The following GALNTL6 variants were observed in gnomAD, a reference collection of about 807,000 sequenced individuals.
The protein encoded by GALNTL6 is polypeptide N-acetylgalactosaminyltransferase like 6, also known as polypeptide N-acetylgalactosaminyltransferase-like 6.
In GALNTL6, 46 loss-of-function variants were observed where a neutral mutation model predicts 73.7. The ratio of observed to expected loss-of-function variants is 0.62; its 90% CI spans 0.49 to 0.80. The LOEUF is 0.80. Among genes scored for constraint, GALNTL6 ranks in the 30% least tolerant of loss-of-function variants. The pLI is 0.00. For synonymous variants in GALNTL6, 259 were observed against 263.7 expected, an observed-to-expected ratio of 0.98 and a Z score of 0.17; for missense variants, 604 against 755.0, an observed-to-expected ratio of 0.80 and a Z score of 2.34.
intron 10 of GALNTL6, among the ~76,000 whole-genome samples, chr4:172,953,443 T>C (rs1749558529): frequency 1.3e-5 from 2 of 152,206 alleles, no homozygotes; most frequent in African/African-American, 4.8e-5. Flanking sequence ...TGTCTCGCAT[T>C]GTGGAAGAGT....
At chr4:172,782,601 C>A (rs1739429831) in intron 5 of GALNTL6, among the ~76,000 whole-genome samples, 1 of 152,168 alleles carries the variant, frequency 6.6e-6, no homozygotes, top group East Asian at 1.9e-4. Context: ...CTCCCCCAAC[C>A]CCCACCAATT....
intron 2 of GALNTL6, among the ~76,000 whole-genome samples, chr4:171,868,080 G>A (rs1370148654): frequency 6.7e-6 from 1 of 150,102 alleles, no homozygotes; most frequent in Non-Finnish European, 1.5e-5. Flanking sequence ...TCAAACTCCT[G>A]GTCTCGAGCA....
At position 172,671,147 on chromosome 4, in the gene GALNTL6, C is replaced by G. The variant is rs575394856; in HGVS notation, c.554-138214C>G. 3.1e-4 allele frequency among the ~76,000 whole-genome samples: 47 copies of G among 152,094 alleles called. 2 individuals are homozygous for G. In the South Asian group the frequency reaches 9.8e-3, roughly 32 times the overall value. ...TAGCTATTCAGGCTCTTTTTTGGTTCCATATGAATTTCAAAATAGTTTTTT... is the reference window on the plus strand; with the variant it reads ...TAGCTATTCAGGCTCTTTTTTGGTTGCATATGAATTTCAAAATAGTTTTTT... On this transcript the variant is annotated intron_variant, in intron 5 of 12. Coordinates refer to ENST00000506823, the MANE Select transcript of GALNTL6 (RefSeq NM_001034845.3).
At chr4:172,413,672 T>G (rs546570736) in intron 5 of GALNTL6, among the ~76,000 whole-genome samples, 2,865 of 120,750 alleles carry the variant, frequency 0.024, 79 homozygotes, top group African/African-American at 0.082. Flanking sequence ...TTTTTTTTTT[T>G]GCTATCTGTG....
At chr4:172,138,942 C>A (rs1163287936) in intron 2 of GALNTL6, among the ~76,000 whole-genome samples, 1 of 151,986 alleles carries the variant, frequency 6.6e-6, no homozygotes, top group Non-Finnish European at 1.5e-5. Flanking sequence ...GTATGAAATT[C>A]TCAGAACCAA....
At position 172,604,586 on chromosome 4, in the gene GALNTL6, A is replaced by T. The variant is rs140799796; in HGVS notation, c.554-204775A>T. 7.7e-4 allele frequency among the ~76,000 whole-genome samples: 118 copies of T among 152,340 alleles called. 1 individual carries two copies. In the East Asian group the frequency reaches 0.022, roughly 29 times the overall value. The stretch of plus-strand genomic sequence containing the variant: ...TGTTTTATTGAATGATAACAACTAG[A>T]TTTTAAATTTAAAGGTAACAAAATT... On this transcript the variant is annotated intron_variant, in intron 5 of 12. Coordinates refer to ENST00000506823, the MANE Select transcript of GALNTL6 (RefSeq NM_001034845.3).
chr4:172,497,889 G>C (rs1432050720), intron 5 of GALNTL6, among the ~76,000 whole-genome samples: 1 of 152,022 alleles, frequency 6.6e-6, no homozygotes, highest in Non-Finnish European at 1.5e-5. Context: ...GAAAATGCCA[G>C]GAGAATTTAT....
intron 5 of GALNTL6, among the ~76,000 whole-genome samples, chr4:172,563,254 G>A (rs1736441270): frequency 6.6e-6 from 1 of 152,180 alleles, no homozygotes; most frequent in Non-Finnish European, 1.5e-5. Flanking sequence ...TTGTGTAGCA[G>A]AAACCTTCTC....
At chr4:172,676,969 A>G (rs1038967568) in intron 5 of GALNTL6, among the ~76,000 whole-genome samples, 8 of 152,204 alleles carry the variant, frequency 5.3e-5, no homozygotes, top group Admixed American at 5.2e-4. Context: ...TTCTTCTTCT[A>G]CTTCAGAGTT....
intron 2 of GALNTL6, among the ~76,000 whole-genome samples, chr4:172,163,589 G>A (rs1045635753): frequency 6.6e-6 from 1 of 151,866 alleles, no homozygotes; most frequent in Non-Finnish European, 1.5e-5. Flanking sequence ...TCAACACTTT[G>A]CATATTAGTT....
chr4:172,315,681 A>C (rs1740519012), intron 4 of GALNTL6, among the ~76,000 whole-genome samples: 1 of 151,928 alleles, frequency 6.6e-6, no homozygotes. Context: ...TCCTTAGAAC[A>C]TCTTATCTTT....
At chr4:172,533,406 C>A (rs1054567768) in intron 5 of GALNTL6, among the ~76,000 whole-genome samples, 2 of 135,170 alleles carry the variant, frequency 1.5e-5, no homozygotes, top group Non-Finnish European at 3.0e-5. Flanking sequence ...CTTACTGCAA[C>A]CTCCGCCTCC....
Position 172,092,460 on chromosome 4 carries a change from G to A in GALNTL6, c.139-137196G>A, listed in dbSNP as rs937164636. Reference sequence around the variant, plus strand: ...TTATCTCTGTTTCACATGCTTCAGGGGCCTCTGGATCATGCTAAAGTTAGG... The same window carrying A: ...TTATCTCTGTTTCACATGCTTCAGGAGCCTCTGGATCATGCTAAAGTTAGG... On this transcript the variant is annotated intron_variant, in intron 2 of 12. Transcript: ENST00000506823. 2.0e-5 allele frequency among the ~76,000 whole-genome samples: 3 copies of A among 151,914 alleles called. No individual in the cohort carries two copies. The South Asian group carries it at 6.2e-4, about 32-fold the overall frequency.
In GALNTL6 at chr4:172,435,618, G is replaced by A. The variant is rs190343440; in HGVS notation, c.553+86929G>A. Among the ~76,000 whole-genome samples, 453 of 152,130 alleles carry A rather than the reference G, an allele frequency of 3.0e-3. 6 individuals are homozygous for A. Among genetic ancestry groups the A allele is most frequent in the African/African-American group, 0.01 (428 of 41,522 alleles). ...CTTAATACTAAAATATAAGCTCTTC[G>A]AGGAAAAGATTTTTTTCCCCAGAAA... On this transcript the variant is annotated intron_variant, in intron 5 of 12. Transcript: ENST00000506823.
intron 5 of GALNTL6, among the ~76,000 whole-genome samples, chr4:172,717,945 G>A (rs1011739814): frequency 1.3e-5 from 2 of 152,130 alleles, no homozygotes. Context: ...TCGTTCTAAT[G>A]ATTGATTTAC....
At position 172,760,723 on chromosome 4, in the gene GALNTL6, G is replaced by A. The variant is rs75907660; in HGVS notation, c.554-48638G>A. On this transcript the variant is annotated intron_variant, in intron 5 of 12. Transcript: ENST00000506823. ...CAGCCAGCTGCACTCACACTGGAGAGTGTGAGTTCTGTCTTCTAGGAGGAC... is the reference window on the plus strand; with the variant it reads ...CAGCCAGCTGCACTCACACTGGAGAATGTGAGTTCTGTCTTCTAGGAGGAC... Among the ~76,000 whole-genome samples the A allele has an allele frequency of 4.5e-3, 682 of 152,238 alleles. 8 individuals are homozygous for A. Among genetic ancestry groups the A allele is most frequent in the African/African-American group, 0.015 (636 of 41,552 alleles).
At chr4:172,482,269 G>T (rs994935020) in intron 5 of GALNTL6, among the ~76,000 whole-genome samples, 1 of 152,180 alleles carries the variant, frequency 6.6e-6, no homozygotes, top group South Asian at 2.1e-4. Flanking sequence ...ACACCTCCCC[G>T]CAAGCAGAGG....
At chr4:171,816,871 T>C (rs1734538877) in intron 2 of GALNTL6, among the ~76,000 whole-genome samples, 1 of 151,996 alleles carries the variant, frequency 6.6e-6, no homozygotes, top group African/African-American at 2.4e-5. Context: ...AAGTCATTAA[T>C]ATTGATATTG....
intron 10 of GALNTL6, among the ~76,000 whole-genome samples, chr4:172,973,033 G>C (rs1387303838): frequency 3.3e-5 from 5 of 152,188 alleles, no homozygotes; most frequent in Admixed American, 6.5e-5. Context: ...GATGTCCAAA[G>C]AGCTCTGTAG....
Sources: gnomAD v4.1 joint callset for allele counts (sites outside exome capture counted in the v4.1 genomes callset) on GRCh38, gnomAD v4.1.1 for gene constraint, MANE v1.5 for transcripts, NCBI Gene and HGNC (gene_info 2026-07-23, HGNC 2026-07-21) for gene names.